PKD1L1: variants seen among roughly 807,000 people sequenced by gnomAD.
PKD1L1 encodes the protein polycystin-1-like protein 1.
In PKD1L1, 236 loss-of-function variants were observed where a neutral mutation model predicts 323.4. The ratio of observed to expected loss-of-function variants is 0.73; its 90% CI spans 0.66 to 0.81. PKD1L1 has a LOEUF of 0.81. PKD1L1 is among the 40% of genes least tolerant of loss of function. The probability of loss-of-function intolerance (pLI) is 0.00; values close to 1 mark genes in which losing one functional copy is unlikely to be tolerated. For synonymous variants in PKD1L1, 1,344 were observed against 1,335.0 expected (o/e 1.01, Z -0.15); for missense variants, 3,320 against 3,508.0 (o/e 0.95, Z 1.35).
chr7:47,889,750 G>GC (rs1186017637), intron 16 of PKD1L1, among the ~76,000 whole-genome samples: 1 of 152,156 alleles, frequency 6.6e-6, no homozygotes, highest in Admixed American at 6.5e-5. Context: ...AGTTCGATCT[G>GC]CCCAGGGCCT....
At chr7:47,846,743 G>T in intron 32 of PKD1L1, 136 bp downstream of exon 32, 1 of 761,076 alleles carries the variant, frequency 1.3e-6, no homozygotes, top group Non-Finnish European at 2.0e-6. Flanking sequence ...ACACAGGCTG[G>T]AGAGTTGTAC....
chr7:47,908,317 T>C, intron 8 of PKD1L1, 67 bp from the exon 9 acceptor site: 1 of 1,452,728 alleles, frequency 6.9e-7, no homozygotes, highest in Non-Finnish European at 9.5e-7. Context: ...TTAACATTTG[T>C]AGAATGGTCA....
chr7:47,874,036 G>T, intron 23 of PKD1L1, 26 bp from the exon 24 acceptor site: 1 of 1,448,042 alleles, frequency 6.9e-7, no homozygotes, highest in Non-Finnish European at 9.7e-7. Flanking sequence ...TCAGAAGAGG[G>T]TCATCTTGGA....
intron 7 of PKD1L1, among the ~76,000 whole-genome samples, chr7:47,921,705 C>G (rs1322922376): frequency 6.6e-6 from 1 of 152,022 alleles, no homozygotes; most frequent in Non-Finnish European, 1.5e-5. Context: ...AGATACTACT[C>G]AGCTATAAGA....
intron 47 of PKD1L1, 23 bp downstream of exon 47, chr7:47,815,311 T>A: frequency 6.2e-7 from 1 of 1,611,226 alleles, no homozygotes; most frequent in South Asian, 1.1e-5. Context: ...TGATCTCCTA[T>A]GAAGAGGAGA....
Position 47,890,769 on chromosome 7 carries a change from G to T in PKD1L1, c.2454-6C>A. On this transcript the variant is annotated splice_polypyrimidine_tract_variant and splice_region_variant and intron_variant, in intron 15 of 56. Coordinates refer to ENST00000289672, the MANE Select transcript of PKD1L1 (RefSeq NM_138295.5). ...TGGCGCATTCCCAGTGATACCTGTTGGAGAAGTCATCGGAGTGGCTGAGGG... is the reference window on the plus strand; with the variant it reads ...TGGCGCATTCCCAGTGATACCTGTTTGAGAAGTCATCGGAGTGGCTGAGGG... The T allele has an allele frequency of 6.2e-7, 1 of 1,611,728 alleles. No homozygotes were observed. Among genetic ancestry groups the T allele is most frequent in the Non-Finnish European group, 8.5e-7 (1 of 1,179,698 alleles).
chr7:47,881,302 C>T (rs891491017), intron 20 of PKD1L1, among the ~76,000 whole-genome samples: 7 of 151,894 alleles, frequency 4.6e-5, no homozygotes, highest in Admixed American at 2.0e-4. Flanking sequence ...AAGGAGAGAT[C>T]GGAAATACAA....
chr7:47,831,061 A>C (rs1342961133), intron 42 of PKD1L1, among the ~76,000 whole-genome samples, 156 bp downstream of exon 42: 1 of 151,990 alleles, frequency 6.6e-6, no homozygotes, highest in Non-Finnish European at 1.5e-5. Flanking sequence ...GATTTTATTT[A>C]CCCCAGGAGA....
rs1288429430 is a variant in PKD1L1, at chr7:47,929,134, C to A, written c.1060+70G>T. On this transcript the variant is annotated intron_variant, in intron 7 of 56. Transcript: ENST00000289672. Reference sequence around the variant, plus strand: ...AATGCAGTTTCTTTTCTTTTCCCAACACTGCCTCTTGGGTCCCCTAGCTCA... The same window carrying A: ...AATGCAGTTTCTTTTCTTTTCCCAAAACTGCCTCTTGGGTCCCCTAGCTCA... 5 of 1,463,086 alleles carry A rather than the reference C, an allele frequency of 3.4e-6. No individual in the cohort carries two copies. The East Asian group carries it at 9.1e-5, about 27-fold the overall frequency. 90.6% of individuals were successfully genotyped at this position (1,463,086 alleles called of 1,614,324 possible).
At chr7:47,879,071 C>A (rs1280205946) in intron 21 of PKD1L1, among the ~76,000 whole-genome samples, 3 of 152,162 alleles carry the variant, frequency 2.0e-5, no homozygotes, top group Non-Finnish European at 2.9e-5. Context: ...AAACGCTGCC[C>A]GTCTTGTATC....
At chr7:47,935,565 G>A (rs913180198) in intron 4 of PKD1L1, among the ~76,000 whole-genome samples, 3 of 152,224 alleles carry the variant, frequency 2.0e-5, no homozygotes, top group Non-Finnish European at 2.9e-5. Flanking sequence ...CAATGGGGGG[G>A]AACACAGTCA....
At chr7:47,957,860 A>ATATATATATATATATATGTATATAT in the PKD1L1 span, among the ~76,000 whole-genome samples, 1 of 124,134 alleles carries the variant, frequency 8.1e-6, no homozygotes, top group African/African-American at 2.8e-5. Context: ...CAATTAAAAA[A>ATATATATATATATATATGTATATAT]AAATATATAT....
Position 47,922,736 on chromosome 7 carries a change from C to T in PKD1L1, c.1060+6468G>A, listed in dbSNP as rs535657354. Among the ~76,000 whole-genome samples, 10 of 148,342 alleles carry T rather than the reference C, an allele frequency of 6.7e-5. No homozygotes were observed. In the East Asian group the frequency reaches 1.2e-3, roughly 17 times the overall value. On this transcript the variant is annotated intron_variant, in intron 7 of 56. Transcript: ENST00000289672. The stretch of plus-strand genomic sequence containing the variant: ...CCGGCAGCCGCCCCGTCCGGCCAGC[C>T]GCCCCGTTGGGGAGGTGGGGGGCAG...
At chr7:47,795,920 AT>A in intron 55 of PKD1L1, 68 bp downstream of exon 55, 1 of 1,536,370 alleles carries the variant, frequency 6.5e-7, no homozygotes, top group Non-Finnish European at 8.8e-7. Flanking sequence ...TGAAAGCAAA[AT>A]TCTGCAATGA....
chr7:47,833,093 G>A lies in PKD1L1; in HGVS notation c.6334C>T (p.Gln2112Ter). ...GKSHCCPPHT[Q>*]APSSGLEGLM... ...TGTGGTTGCAAGCCACAGTTACCTT[G>A]AGTGTGGGGAGGGCAGCAGTGGCTT... The change falls in exon 41 of 57, where the codon CAA becomes TAA. Residue 2112 changes from glutamine (Q) to a stop codon, truncating the protein, a stop_gained. Coordinates refer to ENST00000289672, the MANE Select transcript of PKD1L1 (RefSeq NM_138295.5). LOFTEE classifies it high-confidence loss of function. 1 of 1,610,200 alleles carries A rather than the reference G, an allele frequency of 6.2e-7. No homozygotes were observed. Among genetic ancestry groups the A allele is most frequent in the Non-Finnish European group, 8.5e-7 (1 of 1,178,368 alleles).
chr7:47,906,517 A>G (rs1222456501), intron 9 of PKD1L1, among the ~76,000 whole-genome samples: 1 of 152,150 alleles, frequency 6.6e-6, no homozygotes, highest in Non-Finnish European at 1.5e-5. Context: ...ATACCCTCCT[A>G]TGACATACCA....
chr7:47,895,598 T>G (rs1562978216), intron 14 of PKD1L1, among the ~76,000 whole-genome samples: 1 of 152,252 alleles, frequency 6.6e-6, no homozygotes, highest in East Asian at 1.9e-4. Context: ...GGATTGTGTT[T>G]TTGTGTAATA....
chr7:47,857,970 G>A, intron 27 of PKD1L1, 138 bp from the exon 28 acceptor site: 1 of 750,766 alleles, frequency 1.3e-6, no homozygotes, highest in South Asian at 1.8e-5. Context: ...CAAGAGCGCA[G>A]GTCTTAGGGC....
At chr7:47,886,315 CG>C (rs1554407515) in intron 17 of PKD1L1, among the ~76,000 whole-genome samples, 133 of 151,934 alleles carry the variant, frequency 8.8e-4, no homozygotes, top group African/African-American at 2.8e-3. Context: ...TCTTCCAAGT[CG>C]GGGGGGAGGG....
Sources: gnomAD v4.1 joint callset for allele counts (sites outside exome capture counted in the v4.1 genomes callset) on GRCh38, gnomAD v4.1.1 for gene constraint, MANE v1.5 for transcripts, NCBI Gene and HGNC (gene_info 2026-07-23, HGNC 2026-07-21) for gene names.